Variants in AHRR observed in about 807,000 individuals in gnomAD.
AHRR encodes aryl hydrocarbon receptor repressor, also known as ahR repressor.
AHRR carries 28 observed loss-of-function variants against 44.0 expected under a neutral mutation model. That is an observed-to-expected ratio of 0.64 (90% CI 0.47 to 0.87). AHRR has a LOEUF of 0.87. AHRR is among the 40% of genes least tolerant of loss of function. AHRR has a pLI of 0.00. For missense variants in AHRR, 990 were observed against 953.9 expected (o/e 1.04, Z -0.50); for synonymous variants, 434 against 407.0 (o/e 1.07, Z -0.80).
intron 4 of AHRR, 122 bp downstream of exon 4, chr5:376,838 G>T: frequency 1.2e-6 from 1 of 857,090 alleles, no homozygotes; most frequent in Non-Finnish European, 1.8e-6. Context: ...CCCTTAGGTT[G>T]TGAGGTTTAT....
chr5:424,836 T>G (rs1407025100), intron 7 of AHRR, among the ~76,000 whole-genome samples: 2 of 152,146 alleles, frequency 1.3e-5, no homozygotes. Context: ...CAGCTCCTCA[T>G]TGAATCAGAG....
chr5:378,624 T>C (rs1422847298), intron 4 of AHRR, among the ~76,000 whole-genome samples: 2 of 152,050 alleles, frequency 1.3e-5, no homozygotes, highest in African/African-American at 4.8e-5. Flanking sequence ...GTGCAGGTGC[T>C]AAGAGTGGGA....
chr5:331,604 TAA>T (rs1741913744), intron 1 of AHRR, among the ~76,000 whole-genome samples: 1 of 152,204 alleles, frequency 6.6e-6, no homozygotes, highest in African/African-American at 2.4e-5. Context: ...TTTAATACTA[TAA>T]ACCAGGGGTC....
chr5:342,999 T>G lies in AHRR; in HGVS notation c.-10-894T>G, dbSNP rs891652515. On this transcript the variant is annotated intron_variant, in intron 1 of 10. Coordinates refer to ENST00000684583, the MANE Select transcript of AHRR (RefSeq NM_001377236.1). The surrounding 1 kb of genome is among the most constrained non-coding windows in gnomAD (Gnocchi z 4.3). ...CAGGACTGTAGAGTGGAGTAGAATT[T>G]TACATAGAAAAGAGGAAGCCTGTTG... 3.3e-5 allele frequency among the ~76,000 whole-genome samples: 5 copies of G among 152,058 alleles called. No homozygotes were observed. The highest frequency in any genetic ancestry group is 1.2e-4 in the African/African-American group (5 of 41,378).
chr5:364,362 A>G (rs1579625490), intron 3 of AHRR, among the ~76,000 whole-genome samples: 2 of 152,332 alleles, frequency 1.3e-5, no homozygotes, highest in African/African-American at 4.8e-5. Context: ...CACCTTGTGT[A>G]AAATAATAAT....
chr5:356,548 C>A (rs1157831575), intron 3 of AHRR, among the ~76,000 whole-genome samples: 29 of 73,384 alleles, frequency 4.0e-4, no homozygotes, highest in African/African-American at 1.6e-3. Flanking sequence ...GGAGTGGAGG[C>A]CCTCAGTCAC....
chr5:329,353 A>G (rs1741836492), intron 1 of AHRR, among the ~76,000 whole-genome samples: 1 of 151,908 alleles, frequency 6.6e-6, no homozygotes, highest in Non-Finnish European at 1.5e-5. Context: ...GTGTGCCACC[A>G]TGCCTGACTA....
At chr5:427,679 G>A (rs765916017) in intron 7 of AHRR, 128 bp from the exon 8 acceptor site, 20 of 1,613,232 alleles carry the variant, frequency 1.2e-5, no homozygotes, top group Admixed American at 6.7e-5. Flanking sequence ...CTGCTGTCCC[G>A]AGCCACTCAT....
At chr5:402,350 CGTT>C (rs1259808547) in intron 4 of AHRR, among the ~76,000 whole-genome samples, 1 of 142,402 alleles carries the variant, frequency 7.0e-6, no homozygotes, top group Non-Finnish European at 1.5e-5. Flanking sequence ...GGAAGGCAGT[CGTT>C]GATGAGGGTG....
chr5:343,338 G>A (rs1161751389), intron 1 of AHRR, among the ~76,000 whole-genome samples: 3 of 146,978 alleles, frequency 2.0e-5, no homozygotes, highest in Non-Finnish European at 4.6e-5. Flanking sequence ...ACAGGAACGT[G>A]GGACCCCACG....
intron 3 of AHRR, chr5:367,688 T>A: frequency 1.7e-6 from 1 of 603,950 alleles, no homozygotes; most frequent in Non-Finnish European, 3.0e-6. Flanking sequence ...AGCCTCACTT[T>A]TAACATCACA....
chr5:335,417 G>C (rs951689371), intron 1 of AHRR, among the ~76,000 whole-genome samples: 2 of 151,708 alleles, frequency 1.3e-5, no homozygotes, highest in African/African-American at 2.4e-5. Flanking sequence ...TAGTGGCAGG[G>C]TGTCCCCTGG....
chr5:429,370 G>A (rs1014903117), intron 8 of AHRR, among the ~76,000 whole-genome samples: 3 of 152,102 alleles, frequency 2.0e-5, no homozygotes, highest in Non-Finnish European at 2.9e-5. Flanking sequence ...TCAGAGAATC[G>A]TGCAGGACCC....
At chr5:344,306 G>A (rs1421646059) in intron 2 of AHRR, among the ~76,000 whole-genome samples, 2 of 151,072 alleles carry the variant, frequency 1.3e-5, no homozygotes, top group East Asian at 2.1e-4. Flanking sequence ...GGCTCCGCAG[G>A]CGAGACCGCC....
At chr5:431,043 T>A (rs138143407) in intron 8 of AHRR, among the ~76,000 whole-genome samples, 4 of 152,328 alleles carry the variant, frequency 2.6e-5, no homozygotes, top group Non-Finnish European at 5.9e-5. Context: ...GTCCTCCGCT[T>A]ACCGTCACCG....
intron 4 of AHRR, chr5:403,639 G>GAAAA (rs34565085): frequency 2.7e-4 from 90 of 327,732 alleles, no homozygotes; most frequent in Middle Eastern, 1.0e-3. Context: ...CTCCGTTTCA[G>GAAAA]AAAAAAAAAA....
In AHRR at chr5:376,608, A is replaced by G; in HGVS notation, c.245-2A>G. 1 of 985,512 alleles carries G rather than the reference A, an allele frequency of 1.0e-6. No homozygotes were observed. 61.0% of individuals were successfully genotyped at this position (985,512 alleles called of 1,614,324 possible). A position where few individuals can be genotyped will look rare whatever the true frequency, so the allele number is the denominator to read the frequency against. On this transcript the variant is annotated splice_acceptor_variant, in intron 3 of 10. Transcript: ENST00000684583. LOFTEE classifies it high-confidence loss of function. ...CCTAATGTGTCTTTTCTTCTCTGAC[A>G]GTCGTGCAGGAGCAGAGCTCACGGC...
chr5:378,308 C>T (rs371277825), intron 4 of AHRR, among the ~76,000 whole-genome samples: 1 of 152,204 alleles, frequency 6.6e-6, no homozygotes, highest in East Asian at 1.9e-4. Flanking sequence ...CGCCTTGAGC[C>T]GGCACAGGCT....
At chr5:373,005 G>A (rs927055805) in intron 3 of AHRR, among the ~76,000 whole-genome samples, 5 of 152,230 alleles carry the variant, frequency 3.3e-5, no homozygotes, top group East Asian at 1.9e-4. Flanking sequence ...AGGGTCGCCC[G>A]AGGCCTTGGT....
Sources: gnomAD v4.1 joint callset for allele counts (sites outside exome capture counted in the v4.1 genomes callset) on GRCh38, gnomAD v4.1.1 for gene constraint, Gnocchi (gnomAD v3.1) non-coding constraint, MANE v1.5 for transcripts, NCBI Gene and HGNC (gene_info 2026-07-23, HGNC 2026-07-21) for gene names.